Variants in PLCG2 observed in about 807,000 individuals in gnomAD.
PLCG2 encodes the protein 1-phosphatidylinositol 4,5-bisphosphate phosphodiesterase gamma-2.
A neutral mutation model predicts 175.6 loss-of-function variants in PLCG2; 69 were observed. That is an observed-to-expected ratio of 0.39 (90% CI 0.32 to 0.48). The LOEUF is 0.48. PLCG2 is among the 20% of genes least tolerant of loss of function. The pLI, the probability that PLCG2 is intolerant of heterozygous loss-of-function variation, is 0.91. For missense variants in PLCG2, 1,798 were observed against 1,650.9 expected, an observed-to-expected ratio of 1.09 and a Z score of -1.54; for synonymous variants, 827 against 624.0, an observed-to-expected ratio of 1.33 and a Z score of -4.85.
rs1910776008 is a variant in PLCG2, at chr16:81,937,793, C to A, written c.3088C>A (p.Leu1030Ile). 11 of 1,614,040 alleles carry A rather than the reference C, an allele frequency of 6.8e-6. No homozygotes were observed. The East Asian group carries it at 2.5e-4, about 36-fold the overall frequency. The change falls in exon 28 of 33, where the codon CTC (leucine) becomes ATC (isoleucine). Residue 1030 changes from leucine to isoleucine, a missense_variant. Coordinates refer to ENST00000564138, the MANE Select transcript of PLCG2 (RefSeq NM_002661.5). ...YMQMNHALFS[L>I]NGRTGYVLQP... The stretch of plus-strand genomic sequence containing the variant: ...GCAGATGAATCACGCATTGTTTTCT[C>A]TCAATGGGCGCACGGGCTACGTTCT...
chr16:81,905,353 C>T (rs1336342789), intron 14 of PLCG2, 50 bp from the exon 15 acceptor site: 1 of 1,366,726 alleles, frequency 7.3e-7, no homozygotes, highest in East Asian at 2.3e-5. Context: ...GCTCAAAGGC[C>T]TAAACTTGGG....
rs538419029 is a variant in PLCG2 at position 81,856,779 on chromosome 16, C to T, written c.338-1484C>T. Among the ~76,000 whole-genome samples the T allele has an allele frequency of 5.9e-5, 9 of 152,190 alleles. No individual in the cohort carries two copies. The South Asian group carries it at 1.7e-3, about 28-fold the overall frequency. On this transcript the variant is annotated intron_variant, in intron 3 of 32. Transcript: ENST00000564138. The stretch of plus-strand genomic sequence containing the variant: ...ATCCTCTATGGAAAAGGAGACTTGG[C>T]GGGTGTGGTTAAATTGAGGATCTTG...
At chr16:81,859,237 G>T in intron 5 of PLCG2, 74 bp downstream of exon 5, 1 of 972,782 alleles carries the variant, frequency 1.0e-6, no homozygotes, top group Non-Finnish European at 1.7e-6. Context: ...TTCCAAGGGG[G>T]TGGGAGCATG....
intron 2 of PLCG2, among the ~76,000 whole-genome samples, chr16:81,805,009 A>G (rs770725617): frequency 6.6e-6 from 1 of 152,224 alleles, no homozygotes; most frequent in Non-Finnish European, 1.5e-5. Flanking sequence ...TTTACTCCTA[A>G]GTACAGTGAG....
intron 2 of PLCG2, among the ~76,000 whole-genome samples, chr16:81,805,665 C>CGAGA (rs970240010): frequency 3.3e-5 from 5 of 151,890 alleles, no homozygotes; most frequent in African/African-American, 1.2e-4. Flanking sequence ...ATCCATGTCT[C>CGAGA]CATCCTGCAG....
At chr16:81,778,039 A>AAAC (rs1597311817), upstream of PLCG2, among the ~76,000 whole-genome samples, 2 of 80,430 alleles carry the variant, frequency 2.5e-5, no homozygotes, top group South Asian at 5.3e-4. Context: ...AAACAAAAAA[A>AAAC]AAACAAAAAA....
intron 25 of PLCG2, 52 bp from the exon 26 acceptor site, chr16:81,934,377 G>A: frequency 8.9e-7 from 1 of 1,124,728 alleles, no homozygotes; most frequent in South Asian, 1.3e-5. Context: ...GGGCGAGCTG[G>A]GAAGATGGGA....
At position 81,959,626 on chromosome 16, in the gene PLCG2, A is replaced by G. The variant is rs551355778; in HGVS notation, c.*1628A>G. 4.7e-5 allele frequency: 9 copies of G among 192,038 alleles called. No homozygotes were observed. The highest frequency in any genetic ancestry group is 2.1e-4 in the African/African-American group (9 of 43,156). 11.9% of individuals were successfully genotyped at this position (192,038 alleles called of 1,614,324 possible). A position where few individuals can be genotyped will look rare whatever the true frequency, so the allele number is the denominator to read the frequency against. On this transcript the variant is annotated 3_prime_UTR_variant, in exon 33 of 33. Transcript: ENST00000564138. Reference sequence around the variant, plus strand: ...TCCTCCAACTGGGAGCTGCTATTTTATTTGGCAGTCAGCAACTGAAGAAAG... The same window carrying G: ...TCCTCCAACTGGGAGCTGCTATTTTGTTTGGCAGTCAGCAACTGAAGAAAG...
chr16:81,900,922 C>G (rs571787544), intron 14 of PLCG2, 142 bp downstream of exon 14: 70 of 691,548 alleles, frequency 1.0e-4, no homozygotes, highest in African/African-American at 1.0e-3. Flanking sequence ...GCTCTCCTTA[C>G]TAACACTGTG....
At chr16:81,942,707 G>C (rs1007625797) in intron 30 of PLCG2, among the ~76,000 whole-genome samples, 1 of 152,068 alleles carries the variant, frequency 6.6e-6, no homozygotes, top group Non-Finnish European at 1.5e-5. Flanking sequence ...GAGAGACTAT[G>C]ACTTAACTTG....
At chr16:81,844,475 C>T (rs1482403190) in intron 2 of PLCG2, among the ~76,000 whole-genome samples, 1 of 152,102 alleles carries the variant, frequency 6.6e-6, no homozygotes, top group African/African-American at 2.4e-5. Context: ...GTGCATGCCC[C>T]CATGCCCGGC....
At chr16:81,797,275 A>G (rs945390195) in intron 2 of PLCG2, among the ~76,000 whole-genome samples, 1 of 143,930 alleles carries the variant, frequency 6.9e-6, no homozygotes, top group African/African-American at 2.4e-5. Context: ...TTGGTGAATC[A>G]TTTTTGAAAA....
chr16:81,857,138 T>G (rs1487478533), intron 3 of PLCG2, among the ~76,000 whole-genome samples: 2 of 152,244 alleles, frequency 1.3e-5, no homozygotes, highest in African/African-American at 4.8e-5. Context: ...GACTGATGAC[T>G]GAACCTTTGA....
At chr16:81,878,273 C>T (rs1187810838) in intron 7 of PLCG2, among the ~76,000 whole-genome samples, 5 of 151,834 alleles carry the variant, frequency 3.3e-5, no homozygotes, top group Non-Finnish European at 5.9e-5. Context: ...TGTGAGCCAC[C>T]GTGCCCGGCC....
chr16:81,788,200 C>A (rs73587678), intron 2 of PLCG2, among the ~76,000 whole-genome samples: 1 of 152,104 alleles, frequency 6.6e-6, no homozygotes, highest in South Asian at 2.1e-4. Context: ...AAAGGGTGAT[C>A]GTTGCATTAT....
At chr16:81,899,301 C>G (rs1909040014) in intron 13 of PLCG2, among the ~76,000 whole-genome samples, 1 of 150,628 alleles carries the variant, frequency 6.6e-6, no homozygotes, top group African/African-American at 2.5e-5. Context: ...CACACACACA[C>G]ACATAAATAT....
At chr16:81,946,644 C>T (rs796585450) in intron 31 of PLCG2, among the ~76,000 whole-genome samples, 1 of 152,110 alleles carries the variant, frequency 6.6e-6, no homozygotes, top group South Asian at 2.1e-4. Context: ...GTCTGATAGC[C>T]TCCAATCAAG....
chr16:81,768,260 C>T (rs1910196157), intron 2 of PLCG2, among the ~76,000 whole-genome samples: 1 of 152,178 alleles, frequency 6.6e-6, no homozygotes, highest in Admixed American at 6.5e-5. Flanking sequence ...CTTTTTATAG[C>T]CGAGTGCTAC....
In PLCG2 at chr16:81,911,790, CTTTT is replaced by C. The variant is rs35027472; in HGVS notation, c.1935-785_1935-782del. ...TGGGCCTGGCTAATTTTTGTATTTC[CTTTT>C]TTTTTTTTTTTTTTTTTTTTTGGGA... is the stretch of plus-strand genomic sequence containing the variant. On this transcript the variant is annotated intron_variant, in intron 18 of 32. Transcript: ENST00000564138. Among the ~76,000 whole-genome samples, 170 of 67,250 alleles carry C rather than the reference CTTTT, an allele frequency of 2.5e-3. 1 individual carries two copies. Among genetic ancestry groups the C allele is most frequent in the African/African-American group, 8.7e-3 (141 of 16,158 alleles). The allele number at this position is 67,250 out of a possible 152,430, so 44.1% of individuals were successfully genotyped here. A position where few individuals can be genotyped will look rare whatever the true frequency, so the allele number is the denominator to read the frequency against.
Sources: allele counts gnomAD v4.1 joint callset (sites outside exome capture counted in the v4.1 genomes callset), GRCh38; gene constraint gnomAD v4.1.1; transcripts MANE v1.5; gene names NCBI Gene and HGNC (gene_info 2026-07-23, HGNC 2026-07-21).